The following CNN3 variants were observed in gnomAD, a reference collection of about 807,000 sequenced individuals.
The protein encoded by CNN3 is calponin 3, also known as calponin-3.
CNN3 carries 11 observed loss-of-function variants against 39.0 expected under a neutral mutation model. The observed-to-expected ratio is 0.28, with a 90% CI of 0.18 to 0.47. The LOEUF is 0.47. Ranked by LOEUF, CNN3 falls within the 20% of genes least tolerant of loss-of-function variation. The pLI, the probability that CNN3 is intolerant of heterozygous loss-of-function variation, is 0.99. For missense variants in CNN3, 266 were observed against 403.4 expected (o/e 0.66, Z 2.92); for synonymous variants, 101 against 138.3 (o/e 0.73, Z 1.89).
intron 5 of CNN3, 144 bp from the exon 6 acceptor site, chr1:94,899,661 T>A (rs1329603289): frequency 1.3e-6 from 1 of 776,544 alleles, no homozygotes; most frequent in Admixed American, 3.2e-5. Flanking sequence ...CTCTTCTATG[T>A]GTCTACAAAC....
At chr1:94,913,952 G>C (rs1671224215) in intron 1 of CNN3, among the ~76,000 whole-genome samples, 1 of 152,152 alleles carries the variant, frequency 6.6e-6, no homozygotes, top group Admixed American at 6.5e-5. Flanking sequence ...AGGCCAGCCG[G>C]GTCTTGAATT....
At chr1:94,912,518 G>A (rs1454268084) in intron 1 of CNN3, among the ~76,000 whole-genome samples, 4 of 152,168 alleles carry the variant, frequency 2.6e-5, no homozygotes, top group African/African-American at 7.2e-5. Flanking sequence ...CACTCAGGGA[G>A]AAGGGCAGCC....
At chr1:94,919,284 G>A (rs920824014) in intron 1 of CNN3, among the ~76,000 whole-genome samples, 1 of 152,158 alleles carries the variant, frequency 6.6e-6, no homozygotes, top group Non-Finnish European at 1.5e-5. Flanking sequence ...GCAGCCCTAG[G>A]GTTCCAGCTC....
intron 1 of CNN3, among the ~76,000 whole-genome samples, chr1:94,915,810 C>T (rs1671265044): frequency 2.0e-5 from 3 of 152,180 alleles, no homozygotes; most frequent in South Asian, 2.1e-4. Flanking sequence ...TCTTCCCCAT[C>T]GGACATCAGT....
At chr1:94,909,360 T>C (rs1199350738) in intron 1 of CNN3, among the ~76,000 whole-genome samples, 1 of 152,112 alleles carries the variant, frequency 6.6e-6, no homozygotes, top group African/African-American at 2.4e-5. Context: ...TAGCAAGGGA[T>C]AGGAGGTAAC....
chr1:94,899,037 A>T (rs1024735727), intron 6 of CNN3, among the ~76,000 whole-genome samples: 5 of 126,054 alleles, frequency 4.0e-5, no homozygotes, highest in Admixed American at 1.5e-4. Context: ...AATTTTACCT[A>T]TTAATTAAGG....
chr1:94,901,964 G>A (rs928610180), intron 4 of CNN3, 157 bp downstream of exon 4: 15 of 733,004 alleles, frequency 2.0e-5, no homozygotes, highest in Admixed American at 9.5e-5. Context: ...TATCTAGTAC[G>A]ATGCAGCTGA....
At chr1:94,902,051 A>G (rs1670882299) in intron 4 of CNN3, 70 bp downstream of exon 4, 1 of 1,372,618 alleles carries the variant, frequency 7.3e-7, no homozygotes, top group African/African-American at 1.4e-5. Flanking sequence ...CCCCCATGAA[A>G]AAGCAATGAT....
intron 1 of CNN3, among the ~76,000 whole-genome samples, chr1:94,923,613 C>A (rs1261067756): frequency 6.6e-6 from 1 of 151,482 alleles, no homozygotes; most frequent in Non-Finnish European, 1.5e-5. Context: ...AAAGATTTTT[C>A]TCTGAAATTT....
chr1:94,923,348 G>A (rs1449466037), intron 1 of CNN3, among the ~76,000 whole-genome samples: 1 of 151,986 alleles, frequency 6.6e-6, no homozygotes, highest in African/African-American at 2.4e-5. Context: ...ATCCTCCACC[G>A]AACCATCCCT....
chr1:94,908,204 A>C (rs1671060145), intron 1 of CNN3, among the ~76,000 whole-genome samples: 1 of 152,222 alleles, frequency 6.6e-6, no homozygotes, highest in African/African-American at 2.4e-5. Context: ...CAACATGTGA[A>C]GATAATGAAG....
intron 3 of CNN3, among the ~76,000 whole-genome samples, chr1:94,902,523 T>C (rs979363619): frequency 6.6e-6 from 1 of 152,234 alleles, no homozygotes; most frequent in Non-Finnish European, 1.5e-5. Context: ...ATCTTCCTTA[T>C]ATATTTTAAA....
chr1:94,926,548 C>T lies in CNN3; in HGVS notation c.57+290G>A, dbSNP rs920098710. 6.6e-6 allele frequency among the ~76,000 whole-genome samples: 1 copy of T among 152,158 alleles called. No individual in the cohort carries two copies. The highest frequency in any genetic ancestry group is 2.4e-5 in the African/African-American group (1 of 41,454). ...GTCACCAAACGGCCCCCGAGACCCC[C>T]GCAGCCGGAAAGGCTGGCGCCGCGG... On this transcript the variant is annotated intron_variant, in intron 1 of 6. Coordinates refer to ENST00000370206, the MANE Select transcript of CNN3 (RefSeq NM_001839.5). This position sits in a 1 kb window ranked among gnomAD's most constrained non-coding sequence, Gnocchi z 4.2.
Position 94,897,371 on chromosome 1 carries a change from TAAAAAAAA to T in CNN3, c.*363_*370del, listed in dbSNP as rs56226800. The T allele has an allele frequency of 3.2e-5, 4 of 126,960 alleles. No homozygotes were observed. The highest frequency in any genetic ancestry group is 2.3e-4 in the East Asian group (1 of 4,366). 7.9% of individuals were successfully genotyped at this position (126,960 alleles called of 1,614,324 possible). ...TGTAGAAACCAGATACACTAAACTG[TAAAAAAAA>T]AAAAAAAAAAAAAAAGTTTCCTATT... is the stretch of plus-strand genomic sequence containing the variant. On this transcript the variant is annotated 3_prime_UTR_variant, in exon 7 of 7. Transcript: ENST00000370206.
At position 94,897,688 on chromosome 1, in the gene CNN3, G is replaced by A; in HGVS notation, c.*54C>T. The A allele has an allele frequency of 6.8e-7, 1 of 1,478,654 alleles. No individual in the cohort carries two copies. The highest frequency in any genetic ancestry group is 1.2e-5 in the South Asian group (1 of 80,764). 91.6% of individuals were successfully genotyped at this position (1,478,654 alleles called of 1,614,324 possible). Reference sequence around the variant, plus strand: ...GATAAAAATTACTCAAGGCTAGCTTGGTTCTCACTGAATAAAAACAAAGGA... The same window carrying A: ...GATAAAAATTACTCAAGGCTAGCTTAGTTCTCACTGAATAAAAACAAAGGA... On this transcript the variant is annotated 3_prime_UTR_variant, in exon 7 of 7. Transcript: ENST00000370206.
intron 3 of CNN3, 106 bp downstream of exon 3, chr1:94,903,016 G>GT: frequency 2.7e-6 from 2 of 750,978 alleles, no homozygotes; most frequent in Non-Finnish European, 4.0e-6. Flanking sequence ...TAATCAAAAA[G>GT]TTAAAAAAAA....
chr1:94,920,762 T>A (rs181721086), intron 1 of CNN3, among the ~76,000 whole-genome samples: 2 of 152,272 alleles, frequency 1.3e-5, no homozygotes, highest in Non-Finnish European at 1.5e-5. Flanking sequence ...TATGGAGAAG[T>A]CTTCAAGTTC....
rs1316545773 is a variant in CNN3, at chr1:94,906,139, C to T, written c.58-2615G>A. ...CTAGGATTACAGTCACACACCACCA[C>T]GCCACGCTAATTTTCATGTTTTTAG... is the stretch of plus-strand genomic sequence containing the variant. On this transcript the variant is annotated intron_variant, in intron 1 of 6. Transcript: ENST00000370206. 5.9e-5 allele frequency among the ~76,000 whole-genome samples: 9 copies of T among 152,222 alleles called. No homozygotes were observed. The South Asian group carries it at 8.3e-4, about 14-fold the overall frequency.
chr1:94,897,676 C>A lies in CNN3; in HGVS notation c.*66G>T, dbSNP rs1173330135. ...TTAGGAAGACAAGATAAAAATTACT[C>A]AAGGCTAGCTTGGTTCTCACTGAAT... On this transcript the variant is annotated 3_prime_UTR_variant, in exon 7 of 7. Transcript: ENST00000370206. 3 of 1,420,898 alleles carry A rather than the reference C, an allele frequency of 2.1e-6. No homozygotes were observed. Among genetic ancestry groups the A allele is most frequent in the Admixed American group, 2.0e-5 (1 of 51,260 alleles). 88.0% of individuals were successfully genotyped at this position (1,420,898 alleles called of 1,614,324 possible). A position where few individuals can be genotyped will look rare whatever the true frequency, so the allele number is the denominator to read the frequency against.
Sources: allele counts gnomAD v4.1 joint callset (sites outside exome capture counted in the v4.1 genomes callset), GRCh38; gene constraint gnomAD v4.1.1; non-coding constraint Gnocchi (gnomAD v3.1); transcripts MANE v1.5; gene names NCBI Gene and HGNC (gene_info 2026-07-23, HGNC 2026-07-21).